Variants in FREM2 observed in about 807,000 individuals in gnomAD.
FREM2 encodes the protein FRAS1 related extracellular matrix 2.
FREM2 carries 119 observed loss-of-function variants against 219.9 expected under a neutral mutation model. That is an observed-to-expected ratio of 0.54 (90% CI 0.47 to 0.63). The LOEUF (loss-of-function observed/expected upper bound fraction) is 0.63, where lower values mean the gene tolerates loss of function less well. FREM2 is among the 30% of genes least tolerant of loss of function. FREM2 has a pLI of 0.00. For missense variants in FREM2, 4,030 were observed against 3,993.6 expected (o/e 1.01, Z -0.25); for synonymous variants, 1,562 against 1,522.8 (o/e 1.03, Z -0.60).
At chr13:38,737,210 A>G (rs1347313674) in intron 2 of FREM2, among the ~76,000 whole-genome samples, 1 of 152,156 alleles carries the variant, frequency 6.6e-6, no homozygotes, top group Non-Finnish European at 1.5e-5. Context: ...GAATGTGGCA[A>G]ATTTTCAAGG....
rs759442977 is a variant in FREM2 at position 38,769,640 on chromosome 13, C to A, written c.5473C>A (p.Gln1825Lys). The A allele has an allele frequency of 7.4e-6, 12 of 1,614,034 alleles. No individual in the cohort carries two copies. Among genetic ancestry groups the A allele is most frequent in the Non-Finnish European group, 1.0e-5 (12 of 1,180,012 alleles). Residue 1825 changes from glutamine (Q) to lysine (K), a missense_variant, in exon 4 of 24, where the codon CAA becomes AAA. This residue lies in a region of FREM2 where 3,102 missense variants were observed against 2,950.7 expected (regional missense o/e 1.05). Coordinates refer to ENST00000280481, the MANE Select transcript of FREM2 (RefSeq NM_207361.6). ...DKDFKGKAQK[Q>K]VQFNPGQTRA... is the part of the protein sequence containing the mutation. Reference sequence around the variant, plus strand: ...AGACTTCAAGGGCAAAGCACAGAAACAAGTGCAGTTCAACCCAGGCCAGAC... The same window carrying A: ...AGACTTCAAGGGCAAAGCACAGAAAAAAGTGCAGTTCAACCCAGGCCAGAC...
intron 6 of FREM2, among the ~76,000 whole-genome samples, chr13:38,789,329 T>G (rs1233066043): frequency 6.6e-6 from 1 of 151,872 alleles, no homozygotes; most frequent in African/African-American, 2.4e-5. Flanking sequence ...GTTGTGTATA[T>G]TATCTACATT....
chr13:38,865,817 G>A (rs1325761780), intron 16 of FREM2, among the ~76,000 whole-genome samples: 8 of 152,296 alleles, frequency 5.3e-5, no homozygotes, highest in African/African-American at 1.9e-4. Context: ...TCAAGCAAAT[G>A]CTGACCAAAA....
At chr13:38,807,864 C>T (rs1875311074) in intron 6 of FREM2, among the ~76,000 whole-genome samples, 1 of 151,958 alleles carries the variant, frequency 6.6e-6, no homozygotes, top group South Asian at 2.1e-4. Context: ...CCTAAAGTTA[C>T]CAGCTGCATT....
chr13:38,880,408 A>G lies in FREM2; in HGVS notation c.9131A>G (p.Gln3044Arg), dbSNP rs1231742676. Residue 3044 changes from glutamine (Q) to arginine (R), a missense_variant, in exon 24 of 24, where the codon CAA becomes CGA. Gln to Arg is a conservative substitution (Grantham distance 43). Transcript: ENST00000280481. ...YHSLVSQGKP[Q>R]STTKSRKKRE... ...TCTCTGGTGAGTCAAGGAAAGCCCC[A>G]ATCCACCACCAAGAGCCGGAAGAAG... 1 of 1,614,016 alleles carries G rather than the reference A, an allele frequency of 6.2e-7. No individual in the cohort carries two copies. Among genetic ancestry groups the G allele is most frequent in the Non-Finnish European group, 8.5e-7 (1 of 1,180,020 alleles).
chr13:38,725,477 T>C (rs892650196), intron 2 of FREM2, among the ~76,000 whole-genome samples: 4 of 152,288 alleles, frequency 2.6e-5, no homozygotes, highest in Middle Eastern at 3.4e-3. Context: ...TTATGCTTTG[T>C]TCAAGCTGAG....
intron 4 of FREM2, among the ~76,000 whole-genome samples, chr13:38,777,783 G>T: frequency 6.6e-6 from 1 of 152,134 alleles, no homozygotes; most frequent in East Asian, 1.9e-4. Flanking sequence ...TATCAGGGAA[G>T]CCTTTCTTTG....
chr13:38,747,437 G>A (rs1055700075), intron 2 of FREM2, among the ~76,000 whole-genome samples: 30 of 131,292 alleles, frequency 2.3e-4, no homozygotes, highest in African/African-American at 8.2e-4. Context: ...GTATTCATCT[G>A]TTGCCCTAAA....
rs144317180 is a variant in FREM2, at chr13:38,873,254, T to C, written c.8176+320T>C. Among the ~76,000 whole-genome samples the C allele has an allele frequency of 1.9e-3, 292 of 152,236 alleles. 1 individual carries two copies. The highest frequency in any genetic ancestry group is 6.8e-3 in the African/African-American group (284 of 41,530). The stretch of plus-strand genomic sequence containing the variant: ...ATATATTTTTCTGAATTCTAGAAAA[T>C]GGATAGAGGAAGCTCCAACGAAAGC... On this transcript the variant is annotated intron_variant, in intron 17 of 23. Coordinates refer to ENST00000280481, the MANE Select transcript of FREM2 (RefSeq NM_207361.6).
intron 2 of FREM2, among the ~76,000 whole-genome samples, chr13:38,706,495 G>T (rs1303398437): frequency 1.3e-5 from 2 of 152,120 alleles, no homozygotes; most frequent in Non-Finnish European, 2.9e-5. Flanking sequence ...TTAAATTTAG[G>T]CATTAAGGAA....
At chr13:38,857,768 A>G in intron 12 of FREM2, 107 bp from the exon 13 acceptor site, 5 of 945,314 alleles carry the variant, frequency 5.3e-6, no homozygotes, top group Non-Finnish European at 8.5e-6. Context: ...AATTTGCATC[A>G]TAACGAGGCC....
In FREM2 at chr13:38,856,091, G is replaced by A. The variant is rs773792120; in HGVS notation, c.6926-35G>A. ...AATAGAAAACTTCTCATATTCATAT[G>A]CAAATGATTTAAATCTGTGATGTTA... On this transcript the variant is annotated intron_variant, in intron 11 of 23. Transcript: ENST00000280481. 16 of 1,407,752 alleles carry A rather than the reference G, an allele frequency of 1.1e-5. No individual in the cohort carries two copies. The South Asian group carries it at 1.9e-4, about 16-fold the overall frequency. The allele number at this position is 1,407,752 out of a possible 1,614,324, so 87.2% of individuals were successfully genotyped here.
intron 6 of FREM2, among the ~76,000 whole-genome samples, chr13:38,806,900 T>C (rs530467901): frequency 6.6e-6 from 1 of 151,694 alleles, no homozygotes; most frequent in African/African-American, 2.4e-5. Flanking sequence ...ATTTGAACAA[T>C]GTTTACACCA....
At chr13:38,846,474 TC>T in intron 6 of FREM2, 98 bp from the exon 7 acceptor site, 1 of 1,217,288 alleles carries the variant, frequency 8.2e-7, no homozygotes, top group East Asian at 2.5e-5. Context: ...TATAAGGAAG[TC>T]CCTAAGAGGA....
At position 38,688,303 on chromosome 13, in the gene FREM2, C is replaced by T. The variant is rs771056138; in HGVS notation, c.959C>T (p.Pro320Leu). Residue 320 changes from proline (P) to leucine (L), a missense_variant, in exon 1 of 24, where the codon CCC (proline) becomes CTC (leucine). By Grantham distance (98) the Pro-to-Leu change is moderately conservative. Around this residue, in one of 2 missense-constraint regions of FREM2, gnomAD observed 3,102 missense variants for 2,950.7 expected, o/e 1.05. Coordinates refer to ENST00000280481, the MANE Select transcript of FREM2 (RefSeq NM_207361.6). Reference sequence around the variant, plus strand: ...GGGGCCGAGAACACTGCACCCAAGCCCAGTTTCGTGGCCATGATGATGATG... The same window carrying T: ...GGGGCCGAGAACACTGCACCCAAGCTCAGTTTCGTGGCCATGATGATGATG... ...RGGAENTAPKPSFVAMMMMEV... is the reference protein window; with the variant it reads ...RGGAENTAPKLSFVAMMMMEV... 31 of 1,614,062 alleles carry T rather than the reference C, an allele frequency of 1.9e-5. No individual in the cohort carries two copies. Among genetic ancestry groups the T allele is most frequent in the Non-Finnish European group, 2.5e-5 (30 of 1,180,050 alleles).
At chr13:38,727,834 A>G (rs1237195588) in intron 2 of FREM2, among the ~76,000 whole-genome samples, 1 of 152,238 alleles carries the variant, frequency 6.6e-6, no homozygotes, top group Non-Finnish European at 1.5e-5. Context: ...ATATGATATT[A>G]GTAATGGCAC....
chr13:38,846,911 G>C (rs144412533), intron 7 of FREM2, among the ~76,000 whole-genome samples, 189 bp downstream of exon 7: 1 of 152,238 alleles, frequency 6.6e-6, no homozygotes, highest in Non-Finnish European at 1.5e-5. Context: ...TACATTTAAA[G>C]GCCATGAATC....
rs1878720140 is a variant in FREM2, at chr13:38,886,187, T to C, written c.*5400T>C. ...AAAGTAAAGAGCAGTACAATAAAAA[T>C]CACTTAAAATAGAGAAAGGCAACTA... is the stretch of plus-strand genomic sequence containing the variant. On this transcript the variant is annotated 3_prime_UTR_variant, in exon 24 of 24. Transcript: ENST00000280481. The C allele has an allele frequency of 6.6e-6, 1 of 152,066 alleles. No individual in the cohort carries two copies. Among genetic ancestry groups the C allele is most frequent in the Non-Finnish European group, 1.5e-5 (1 of 68,010 alleles). The allele number at this position is 152,066 out of a possible 1,614,324, so 9.4% of individuals were successfully genotyped here.
At chr13:38,763,512 T>C (rs1873317438) in intron 2 of FREM2, among the ~76,000 whole-genome samples, 1 of 123,486 alleles carries the variant, frequency 8.1e-6, no homozygotes, top group Non-Finnish European at 1.6e-5. Flanking sequence ...AAGGCATTAC[T>C]GATGCCTTTG....
Sources: allele counts gnomAD v4.1 joint callset (sites outside exome capture counted in the v4.1 genomes callset), GRCh38; gene constraint gnomAD v4.1.1; regional missense constraint gnomAD v4.1.1; transcripts MANE v1.5; gene names NCBI Gene and HGNC (gene_info 2026-07-23, HGNC 2026-07-21).